COL25A1: variants seen among roughly 807,000 people sequenced by gnomAD.
COL25A1 encodes collagen type XXV alpha 1 chain, also known as collagen alpha-1(XXV) chain.
COL25A1 carries 103 observed loss-of-function variants against 128.4 expected under a neutral mutation model. The observed-to-expected ratio is 0.80, with a 90% CI of 0.68 to 0.94. The LOEUF (loss-of-function observed/expected upper bound fraction) is 0.94, where lower values mean the gene tolerates loss of function less well. COL25A1 is among the 40% of genes least tolerant of loss of function. COL25A1 has a pLI of 0.00. For missense variants in COL25A1, 745 were observed against 840.0 expected, an observed-to-expected ratio of 0.89 and a Z score of 1.40; for synonymous variants, 279 against 277.2, an observed-to-expected ratio of 1.01 and a Z score of -0.06.
intron 3 of COL25A1, among the ~76,000 whole-genome samples, chr4:109,105,222 C>T (rs1766315464): frequency 1.3e-5 from 2 of 152,138 alleles, no homozygotes; most frequent in East Asian, 1.9e-4. Context: ...ACCTATAATA[C>T]CAGCACTTTG....
At chr4:109,081,505 T>C (rs1763831265) in intron 3 of COL25A1, among the ~76,000 whole-genome samples, 1 of 152,176 alleles carries the variant, frequency 6.6e-6, no homozygotes, top group Admixed American at 6.5e-5. Flanking sequence ...GTAATTCACA[T>C]ACCATACAGT....
chr4:109,279,941 A>G (rs1255018297), intron 3 of COL25A1, among the ~76,000 whole-genome samples: 1 of 152,156 alleles, frequency 6.6e-6, no homozygotes, highest in Non-Finnish European at 1.5e-5. Context: ...AGAATTCTCA[A>G]TCTGATGATC....
intron 3 of COL25A1, among the ~76,000 whole-genome samples, chr4:109,071,873 C>T (rs1419179708): frequency 1.3e-5 from 2 of 152,108 alleles, no homozygotes; most frequent in Non-Finnish European, 1.5e-5. Flanking sequence ...GTTCAACCAT[C>T]GTGGAAGACA....
intron 8 of COL25A1, among the ~76,000 whole-genome samples, chr4:108,952,831 C>CTTTTTTTTTTTTTTT (rs59761040): frequency 1.2e-4 from 8 of 66,960 alleles, no homozygotes; most frequent in Admixed American, 2.2e-4. Flanking sequence ...AAAAACTCAA[C>CTTTTTTTTTTTTTTT]TTTTTTTTTT....
At chr4:109,157,336 G>A (rs188749392) in intron 3 of COL25A1, among the ~76,000 whole-genome samples, 10 of 152,258 alleles carry the variant, frequency 6.6e-5, no homozygotes, top group Admixed American at 6.5e-4. Context: ...ACATATGCCA[G>A]TAAGATCTTA....
At chr4:109,146,000 T>C (rs1178781296) in intron 3 of COL25A1, among the ~76,000 whole-genome samples, 1 of 152,218 alleles carries the variant, frequency 6.6e-6, no homozygotes, top group Non-Finnish European at 1.5e-5. Flanking sequence ...CCTATTTCTT[T>C]CTAATTTAAA....
intron 31 of COL25A1, among the ~76,000 whole-genome samples, chr4:108,840,303 A>G (rs1382521857): frequency 6.6e-6 from 1 of 151,894 alleles, no homozygotes; most frequent in African/African-American, 2.4e-5. Context: ...GATGGGGAAA[A>G]AGGCCCAGAG....
rs550460307 is a variant in COL25A1 at position 109,175,075 on chromosome 4, C to T, written c.368-124896G>A. ...GTTTTGTGCCCAAACCATTGCCCAC[C>T]CACTCCCATCTGTGTAAAAGTTGTC... On this transcript the variant is annotated intron_variant, in intron 3 of 37. Coordinates refer to ENST00000399132, the MANE Select transcript of COL25A1 (RefSeq NM_198721.4). Among the ~76,000 whole-genome samples the T allele has an allele frequency of 2.6e-5, 4 of 152,230 alleles. No homozygotes were observed. The South Asian group carries it at 6.2e-4, about 24-fold the overall frequency.
intron 30 of COL25A1, among the ~76,000 whole-genome samples, chr4:108,843,394 A>G (rs1734694769): frequency 6.6e-6 from 1 of 152,076 alleles, no homozygotes; most frequent in African/African-American, 2.4e-5. Context: ...TGATTTATTG[A>G]CACCTGAGAG....
At chr4:109,220,582 C>A (rs1430571544) in intron 3 of COL25A1, among the ~76,000 whole-genome samples, 1 of 152,032 alleles carries the variant, frequency 6.6e-6, no homozygotes, top group Non-Finnish European at 1.5e-5. Context: ...GTATACATAG[C>A]AGTATTTTAA....
At chr4:108,889,155 A>C in intron 18 of COL25A1, 66 bp downstream of exon 18, 1 of 1,292,828 alleles carries the variant, frequency 7.7e-7, no homozygotes, top group Middle Eastern at 1.9e-4. Flanking sequence ...CATATTACAC[A>C]GTGGATGGTA....
intron 30 of COL25A1, among the ~76,000 whole-genome samples, chr4:108,843,072 C>T (rs1734633937): frequency 6.9e-6 from 1 of 145,374 alleles, no homozygotes; most frequent in South Asian, 2.2e-4. Context: ...TCACCTGAGC[C>T]TAGGAGGTAG....
chr4:109,028,459 G>A (rs1229664150), intron 5 of COL25A1, among the ~76,000 whole-genome samples: 1 of 152,150 alleles, frequency 6.6e-6, no homozygotes, highest in African/African-American at 2.4e-5. Context: ...AGGCCCAGTG[G>A]CTCATGTCTG....
At chr4:108,967,190 T>C (rs557513274) in intron 8 of COL25A1, among the ~76,000 whole-genome samples, 55 of 152,334 alleles carry the variant, frequency 3.6e-4, no homozygotes, top group African/African-American at 1.2e-3. Flanking sequence ...TTTCATAGGG[T>C]TGTTGAAATA....
intron 11 of COL25A1, among the ~76,000 whole-genome samples, chr4:108,926,484 T>C (rs557284857): frequency 3.9e-5 from 6 of 152,240 alleles, no homozygotes; most frequent in African/African-American, 1.4e-4. Context: ...TTAATAAAAG[T>C]TAGGCAAAAT....
At chr4:109,268,912 C>A (rs915268396) in intron 3 of COL25A1, among the ~76,000 whole-genome samples, 1 of 152,076 alleles carries the variant, frequency 6.6e-6, no homozygotes, top group African/African-American at 2.4e-5. Flanking sequence ...TCCACCCATC[C>A]CTATAAAGAT....
chr4:109,239,420 A>ATGTG (rs71594168), intron 3 of COL25A1, among the ~76,000 whole-genome samples: 1 of 124,362 alleles, frequency 8.0e-6, no homozygotes, highest in Non-Finnish European at 1.7e-5. Context: ...ATATATATAT[A>ATGTG]TATTTATTTA....
At chr4:109,208,946 A>G (rs1777270009) in intron 3 of COL25A1, among the ~76,000 whole-genome samples, 1 of 152,202 alleles carries the variant, frequency 6.6e-6, no homozygotes, top group African/African-American at 2.4e-5. Flanking sequence ...CTGAGAAAAT[A>G]GGGAGTATAT....
chr4:108,898,212 C>A (rs940778865), intron 15 of COL25A1, among the ~76,000 whole-genome samples: 1 of 152,142 alleles, frequency 6.6e-6, no homozygotes, highest in Non-Finnish European at 1.5e-5. Context: ...TTTAACTGAG[C>A]TGTCCCCTCA....
Sources: gnomAD v4.1 joint callset for allele counts (sites outside exome capture counted in the v4.1 genomes callset) on GRCh38, gnomAD v4.1.1 for gene constraint, MANE v1.5 for transcripts, NCBI Gene and HGNC (gene_info 2026-07-23, HGNC 2026-07-21) for gene names.